COL7A1: variants seen among roughly 807,000 people sequenced by gnomAD.
COL7A1 encodes the protein collagen type VII alpha 1 chain, also known as collagen alpha-1(VII) chain.
COL7A1 carries 296 observed loss-of-function variants against 456.2 expected under a neutral mutation model. The observed-to-expected ratio is 0.65, with a 90% confidence interval of 0.59 to 0.71. COL7A1 has a LOEUF of 0.71. COL7A1 is among the 30% of genes least tolerant of loss of function. The pLI, the probability that COL7A1 is intolerant of heterozygous loss-of-function variation, is 0.00. For missense variants in COL7A1, 3,441 were observed against 4,017.2 expected, an observed-to-expected ratio of 0.86 and a Z score of 3.88; for synonymous variants, 1,464 against 1,525.9, an observed-to-expected ratio of 0.96 and a Z score of 0.95.
In COL7A1 at chr3:48,594,317, G is replaced by A; in HGVS notation, c.266+51C>T. ...CAGGGTCTCCTCCCTCTCTGGGGAA[G>A]GAGTCTTGGTGGGGATCTCGTGGTC... On this transcript the variant is annotated intron_variant, in intron 3 of 118. Transcript: ENST00000681320. This position sits in a 1 kb window ranked among gnomAD's most constrained non-coding sequence, Gnocchi z 5.5. 6.3e-7 allele frequency: 1 copy of A among 1,594,890 alleles called. No homozygotes were observed. The highest frequency in any genetic ancestry group is 8.5e-7 in the Non-Finnish European group (1 of 1,172,550).
At position 48,567,300 on chromosome 3, in the gene COL7A1, C is replaced by G. The variant is rs1253117134; in HGVS notation, c.8047-110G>C. The G allele has an allele frequency of 4.3e-6, 6 of 1,401,500 alleles. No individual in the cohort carries two copies. The highest frequency in any genetic ancestry group is 6.0e-6 in the Non-Finnish European group (6 of 1,001,142). 86.8% of individuals were successfully genotyped at this position (1,401,500 alleles called of 1,614,324 possible). A position where few individuals can be genotyped will look rare whatever the true frequency, so the allele number is the denominator to read the frequency against. Reference sequence around the variant, plus strand: ...CCTAATGCCCAAACCTTCTGTAACCCAAGCACCTGTGAGCCAACCAGATGT... The same window carrying G: ...CCTAATGCCCAAACCTTCTGTAACCGAAGCACCTGTGAGCCAACCAGATGT... On this transcript the variant is annotated intron_variant, in intron 109 of 118. Coordinates refer to ENST00000681320, the MANE Select transcript of COL7A1 (RefSeq NM_000094.4). The surrounding 1 kb of genome is among the most constrained non-coding windows in gnomAD (Gnocchi z 4.3).
At position 48,567,617 on chromosome 3, in the gene COL7A1, C is replaced by G. The variant is rs539565729; in HGVS notation, c.8003G>C (p.Gly2668Ala). 3.1e-6 allele frequency: 5 copies of G among 1,614,044 alleles called. No homozygotes were observed. In the South Asian group the frequency reaches 5.5e-5, roughly 18 times the overall value. Residue 2668 changes from glycine (G) to alanine (A), a missense_variant, in exon 109 of 119, where the codon GGC becomes GCC. By Grantham distance (60) the Gly-to-Ala change is moderately conservative. Coordinates refer to ENST00000681320, the MANE Select transcript of COL7A1 (RefSeq NM_000094.4). The surrounding 1 kb of genome is among the most constrained non-coding windows in gnomAD (Gnocchi z 4.3). ...KGEMGEPGVPGQSGAPGKEGL... is the reference protein window; with the variant it reads ...KGEMGEPGVPAQSGAPGKEGL... ...CTCCTTGCCAGGGGCCCCCGACTGG[C>G]CCGGCACACCAGGCTCCCCCTGGAG...
In COL7A1 at chr3:48,591,350, A is replaced by C; in HGVS notation, c.1636+114T>G. The C allele has an allele frequency of 7.1e-7, 1 of 1,406,018 alleles. No individual in the cohort carries two copies. Among genetic ancestry groups the C allele is most frequent in the South Asian group, 1.3e-5 (1 of 77,534 alleles). 87.1% of individuals were successfully genotyped at this position (1,406,018 alleles called of 1,614,324 possible). On this transcript the variant is annotated intron_variant, in intron 13 of 118. Coordinates refer to ENST00000681320, the MANE Select transcript of COL7A1 (RefSeq NM_000094.4). This position sits in a 1 kb window ranked among gnomAD's most constrained non-coding sequence, Gnocchi z 7.0. ...TTGGGAAGCAGATGGATAACGAGAC[A>C]GGGAGGAGACTATAGGGACCCAGGT...
rs1426339691 is a variant in COL7A1, at chr3:48,588,277, C to A, written c.2710+5G>T. 6.2e-7 allele frequency: 1 copy of A among 1,612,966 alleles called. No individual in the cohort carries two copies. The highest frequency in any genetic ancestry group is 2.2e-5 in the East Asian group (1 of 44,900). On this transcript the variant is annotated splice_donor_5th_base_variant and intron_variant, in intron 21 of 118. Transcript: ENST00000681320. This position sits in a 1 kb window ranked among gnomAD's most constrained non-coding sequence, Gnocchi z 4.6. ...CCCTAACTTCCTCCTGGGGACACCT[C>A]TCACCCTCAGGTTGCCAGTGCAGAA...
In COL7A1 at chr3:48,587,579, G is replaced by T. The variant is rs771793166; in HGVS notation, c.2858-25C>A. 6.2e-7 allele frequency: 1 copy of T among 1,613,380 alleles called. No individual in the cohort carries two copies. Among genetic ancestry groups the T allele is most frequent in the South Asian group, 1.1e-5 (1 of 91,068 alleles). On this transcript the variant is annotated intron_variant, in intron 22 of 118. Coordinates refer to ENST00000681320, the MANE Select transcript of COL7A1 (RefSeq NM_000094.4). The surrounding 1 kb of genome is among the most constrained non-coding windows in gnomAD (Gnocchi z 6.1). The stretch of plus-strand genomic sequence containing the variant: ...TCTGAAGGAGGAATGAAAGATCGAG[G>T]ATCAGAGGCTGAGTCCTGAGAACCC...
chr3:48,570,029 A>G lies in COL7A1; in HGVS notation c.7485+105T>C. 6.3e-7 allele frequency: 1 copy of G among 1,594,314 alleles called. No individual in the cohort carries two copies. The highest frequency in any genetic ancestry group is 8.6e-7 in the Non-Finnish European group (1 of 1,163,214). ...CAGACAAAGGGGACAGGGGTAGACGAGGAGGGCCAGAGGGCTAGGGAGGAT... is the reference window on the plus strand; with the variant it reads ...CAGACAAAGGGGACAGGGGTAGACGGGGAGGGCCAGAGGGCTAGGGAGGAT... On this transcript the variant is annotated intron_variant, in intron 99 of 118. Coordinates refer to ENST00000681320, the MANE Select transcript of COL7A1 (RefSeq NM_000094.4). The surrounding 1 kb of genome is among the most constrained non-coding windows in gnomAD (Gnocchi z 5.5).
chr3:48,568,311 A>AG lies in COL7A1; in HGVS notation c.7795-142dup. The AG allele has an allele frequency of 8.9e-7, 1 of 1,121,780 alleles. No homozygotes were observed. The highest frequency in any genetic ancestry group is 1.3e-6 in the Non-Finnish European group (1 of 752,322). 69.5% of individuals were successfully genotyped at this position (1,121,780 alleles called of 1,614,324 possible). On this transcript the variant is annotated intron_variant, in intron 105 of 118. Transcript: ENST00000681320. The surrounding 1 kb of genome is among the most constrained non-coding windows in gnomAD (Gnocchi z 5.2). ...GCCACTGGGGCTTGCCATGGGGACA[A>AG]GGGTCACCATAGGCAGGGGACACCA...
In COL7A1 at chr3:48,592,809, C is replaced by G. The variant is rs1378577663; in HGVS notation, c.812G>C (p.Gly271Ala). The G allele has an allele frequency of 6.2e-7, 1 of 1,613,810 alleles. No individual in the cohort carries two copies. Among genetic ancestry groups the G allele is most frequent in the South Asian group, 1.1e-5 (1 of 91,086 alleles). The part of the protein sequence containing the change: ...GYKVQYTPLT[G>A]LGQPLPSERQ... ...CTCACTCGGCAGTGGCTGTCCCAGC[C>G]CCGTCAGAGGAGTGTACTGGACCTT... Residue 271 changes from glycine to alanine, a missense_variant, in exon 7 of 119, where the codon GGG becomes GCG. By Grantham distance (60) the Gly-to-Ala change is moderately conservative. Around this residue, in one of 3 missense-constraint regions of COL7A1, gnomAD observed 913 missense variants for 1,088.2 expected, o/e 0.84. Coordinates refer to ENST00000681320, the MANE Select transcript of COL7A1 (RefSeq NM_000094.4). The surrounding 1 kb of genome is among the most constrained non-coding windows in gnomAD (Gnocchi z 7.6).
In COL7A1 at chr3:48,590,572, G is replaced by A; in HGVS notation, c.1793C>T (p.Pro598Leu). 6.2e-7 allele frequency: 1 copy of A among 1,614,158 alleles called. No homozygotes were observed. Among genetic ancestry groups the A allele is most frequent in the Non-Finnish European group, 8.5e-7 (1 of 1,180,040 alleles). ...VLTVRREPETPLAVPGLRVVV... is the reference protein window; with the variant it reads ...VLTVRREPETLLAVPGLRVVV... ...AACCCGCAGCCCTGGAACAGCAAGT[G>A]GAGTTTCCGGCTCTAGGAGTTACAG... The change falls in exon 15 of 119, where the codon CCA (proline) becomes CTA (leucine). Residue 598 changes from proline to leucine, a missense_variant. Coordinates refer to ENST00000681320, the MANE Select transcript of COL7A1 (RefSeq NM_000094.4). The surrounding 1 kb of genome is among the most constrained non-coding windows in gnomAD (Gnocchi z 4.6).
chr3:48,590,171 G>T lies in COL7A1; in HGVS notation c.2050+42C>A. The T allele has an allele frequency of 6.2e-7, 1 of 1,604,092 alleles. No homozygotes were observed. On this transcript the variant is annotated intron_variant, in intron 16 of 118. Coordinates refer to ENST00000681320, the MANE Select transcript of COL7A1 (RefSeq NM_000094.4). The surrounding 1 kb of genome is among the most constrained non-coding windows in gnomAD (Gnocchi z 4.6). ...AGGGAAGGCATGGGGGTCTGAAAGA[G>T]CAATGGAGGCAGAGAGCCAAGGGAC...
At position 48,568,798 on chromosome 3, in the gene COL7A1, G is replaced by T; in HGVS notation, c.7744C>A (p.Leu2582Ile). 1 of 1,571,162 alleles carries T rather than the reference G, an allele frequency of 6.4e-7. No homozygotes were observed. Among genetic ancestry groups the T allele is most frequent in the South Asian group, 1.2e-5 (1 of 85,664 alleles). Residue 2582 changes from leucine to isoleucine, a missense_variant, in exon 104 of 119, where the codon CTC becomes ATC. Leu to Ile is a conservative substitution (Grantham distance 5, BLOSUM62 2). Coordinates refer to ENST00000681320, the MANE Select transcript of COL7A1 (RefSeq NM_000094.4). This position sits in a 1 kb window ranked among gnomAD's most constrained non-coding sequence, Gnocchi z 5.2. ...GSAGLPGLRGLLGPQGQPGAA... is the reference protein window; with the variant it reads ...GSAGLPGLRGILGPQGQPGAA... ...GCAGAACTTGCCTGGGGTCCCAGGA[G>T]TCCACGCAGTCCTGGCAACCCGGCT... is the stretch of plus-strand genomic sequence containing the variant.
Position 48,575,727 on chromosome 3 carries a change from C to A in COL7A1, c.5878G>T (p.Val1960Leu). The change falls in exon 73 of 119, where the codon GTG becomes TTG. Residue 1960 changes from valine to leucine, a missense_variant. By Grantham distance (32) the Val-to-Leu change is conservative. Coordinates refer to ENST00000681320, the MANE Select transcript of COL7A1 (RefSeq NM_000094.4). This position sits in a 1 kb window ranked among gnomAD's most constrained non-coding sequence, Gnocchi z 6.3. Reference sequence around the variant, plus strand: ...CCAGAGCTCTCATCCCAGGTCTCCACGATCTCCCGCAGGGCAGATGCCTGA... The same window carrying A: ...CCAGAGCTCTCATCCCAGGTCTCCAAGATCTCCCGCAGGGCAGATGCCTGA... Reference protein sequence around the residue: ...GIKASALREIVETWDESSGSF... With the variant: ...GIKASALREILETWDESSGSF... The A allele has an allele frequency of 3.7e-6, 6 of 1,613,958 alleles. No individual in the cohort carries two copies. The highest frequency in any genetic ancestry group is 5.1e-6 in the Non-Finnish European group (6 of 1,180,028).
At position 48,566,930 on chromosome 3, in the gene COL7A1, G is replaced by A; in HGVS notation, c.8203C>T (p.Pro2735Ser). ...ACCTTCTGGCCCTGAAGTCCTTCGG[G>A]GCCTCTGGGACCAACACTGCCAGGT... is the stretch of plus-strand genomic sequence containing the variant. ...GPPGSVGPRG[P>S]EGLQGQKGER... The change falls in exon 111 of 119, where the codon CCC (proline) becomes TCC (serine). Residue 2735 changes from proline (P) to serine (S), a missense_variant. This residue lies in a region of COL7A1 where 2,084 missense variants were observed against 2,501.3 expected (regional missense o/e 0.83). Coordinates refer to ENST00000681320, the MANE Select transcript of COL7A1 (RefSeq NM_000094.4). This position sits in a 1 kb window ranked among gnomAD's most constrained non-coding sequence, Gnocchi z 5.9. The A allele has an allele frequency of 1.2e-6, 2 of 1,608,628 alleles. No individual in the cohort carries two copies. Among genetic ancestry groups the A allele is most frequent in the Non-Finnish European group, 8.5e-7 (1 of 1,176,464 alleles).
chr3:48,588,309 C>T lies in COL7A1; in HGVS notation c.2683G>A (p.Gly895Ser). ...TCAGGTTGCCAGTGCAGAAGGAAGC[C>T]CTGCGCTCTGGGCACCGGCTCCCAG... The part of the protein sequence containing the change: ...LRWEPVPRAQ[G>S]FLLHWQPEGG... The change falls in exon 21 of 119, where the codon GGC becomes AGC. Residue 895 changes from glycine to serine, a missense_variant. Transcript: ENST00000681320. This position sits in a 1 kb window ranked among gnomAD's most constrained non-coding sequence, Gnocchi z 4.6. The T allele has an allele frequency of 6.2e-7, 1 of 1,612,944 alleles. No individual in the cohort carries two copies. The highest frequency in any genetic ancestry group is 8.5e-7 in the Non-Finnish European group (1 of 1,179,974).
In COL7A1 at chr3:48,564,140, G is replaced by T; in HGVS notation, c.*266C>A. ...CATGTCATCACAGGCTTGGGTCAAG[G>T]GGCGGGTCAGACGCCAGTCACATCC... On this transcript the variant is annotated 3_prime_UTR_variant, in exon 119 of 119. Coordinates refer to ENST00000681320, the MANE Select transcript of COL7A1 (RefSeq NM_000094.4). The surrounding 1 kb of genome is among the most constrained non-coding windows in gnomAD (Gnocchi z 6.0). 1.7e-6 allele frequency: 1 copy of T among 573,426 alleles called. No homozygotes were observed. The highest frequency in any genetic ancestry group is 3.0e-5 in the East Asian group (1 of 33,258). The allele number at this position is 573,426 out of a possible 1,614,324, so 35.5% of individuals were successfully genotyped here.
rs760759581 is a variant in COL7A1, at chr3:48,584,507, C to T, written c.4097G>A (p.Arg1366Gln). Residue 1366 changes from arginine (R) to glutamine (Q), a missense_variant, in exon 36 of 119, where the codon CGG (arginine) becomes CAG (glutamine). By Grantham distance (43) the Arg-to-Gln change is conservative. This residue lies in a region of COL7A1 where 2,084 missense variants were observed against 2,501.3 expected (regional missense o/e 0.83). Transcript: ENST00000681320. ...TACCGATGGTCCAGGGTCCCCTTTC[C>T]GCCCAGGAAGCCCAGGTCCTTCACC... The part of the protein sequence containing the change: ...IGGEGPGLPG[R>Q]KGDPGPSGPP... 10 of 1,613,972 alleles carry T rather than the reference C, an allele frequency of 6.2e-6. No individual in the cohort carries two copies. Among genetic ancestry groups the T allele is most frequent in the South Asian group, 3.3e-5 (3 of 91,088 alleles).
Position 48,578,499 on chromosome 3 carries a change from C to A in COL7A1, c.5441G>T (p.Arg1814Leu). ...GGGGCCAGGGAGGCCCTGTTCTCCACGGAGGCCTGGAAGCCCCTGGAAAAA... is the reference window on the plus strand; with the variant it reads ...GGGGCCAGGGAGGCCCTGTTCTCCAAGGAGGCCTGGAAGCCCCTGGAAAAA... ...DPGRDGLPGL[R>L]GEQGLPGPSG... The change falls in exon 64 of 119, where the codon CGT (arginine) becomes CTT (leucine). Residue 1814 changes from arginine (R) to leucine (L), a missense_variant. Physicochemically the swap from Arg to Leu is moderately radical, Grantham distance 102. Transcript: ENST00000681320. The surrounding 1 kb of genome is among the most constrained non-coding windows in gnomAD (Gnocchi z 4.7). 5.0e-6 allele frequency: 8 copies of A among 1,612,332 alleles called. No individual in the cohort carries two copies. Among genetic ancestry groups the A allele is most frequent in the Non-Finnish European group, 6.8e-6 (8 of 1,179,934 alleles).
chr3:48,580,367 G>A lies in COL7A1; in HGVS notation c.5053-23C>T. ...GCCCTGCAGAAAGGCAGGGGTCAGG[G>A]CCACTCAAGGTAGGCAGCAGTTTGG... On this transcript the variant is annotated intron_variant, in intron 55 of 118. Transcript: ENST00000681320. The surrounding 1 kb of genome is among the most constrained non-coding windows in gnomAD (Gnocchi z 4.5). 6.2e-7 allele frequency: 1 copy of A among 1,606,096 alleles called. No homozygotes were observed. Among genetic ancestry groups the A allele is most frequent in the South Asian group, 1.1e-5 (1 of 89,790 alleles).
In COL7A1 at chr3:48,591,998, C is replaced by G. The variant is rs768981667; in HGVS notation, c.1257G>C (p.Gln419His). ...GGCCCAGGATGACCGGGCGCAGGGT[C>G]TGCTCAACAGAAGCGTCTGCCCAGG... ...LMARTDASVE[Q>H]TLRPVILGPT... Residue 419 changes from glutamine to histidine, a missense_variant, in exon 11 of 119, where the codon CAG (glutamine) becomes CAC (histidine). Physicochemically the swap from Gln to His is conservative, Grantham distance 24. This residue lies in a region of COL7A1 where 913 missense variants were observed against 1,088.2 expected (regional missense o/e 0.84). Coordinates refer to ENST00000681320, the MANE Select transcript of COL7A1 (RefSeq NM_000094.4). This position sits in a 1 kb window ranked among gnomAD's most constrained non-coding sequence, Gnocchi z 7.0. 6.2e-7 allele frequency: 1 copy of G among 1,614,212 alleles called. No individual in the cohort carries two copies. Among genetic ancestry groups the G allele is most frequent in the South Asian group, 1.1e-5 (1 of 91,084 alleles).
Sources: gnomAD v4.1 joint callset for allele counts on GRCh38, gnomAD v4.1.1 for gene constraint, gnomAD v4.1.1 regional missense constraint, Gnocchi (gnomAD v3.1) non-coding constraint, MANE v1.5 for transcripts, NCBI Gene and HGNC (gene_info 2026-07-23, HGNC 2026-07-21) for gene names.